Variants in IGF2BP1 observed in about 807,000 individuals in gnomAD.
The protein encoded by IGF2BP1 is insulin-like growth factor 2 mRNA-binding protein 1.
A neutral mutation model predicts 74.9 loss-of-function variants in IGF2BP1; 11 were observed. The observed-to-expected ratio is 0.15, with a 90% CI of 0.09 to 0.24. The LOEUF (loss-of-function observed/expected upper bound fraction) is 0.24. Ranked by LOEUF, IGF2BP1 falls within the 10% of genes least tolerant of loss-of-function variation. The pLI is 1.00. For missense variants in IGF2BP1, 440 were observed against 757.4 expected (o/e 0.58, Z 4.92); for synonymous variants, 287 against 281.8 (o/e 1.02, Z -0.18).
At chr17:49,007,011 G>A (rs2041558271) in intron 2 of IGF2BP1, among the ~76,000 whole-genome samples, 1 of 152,034 alleles carries the variant, frequency 6.6e-6, no homozygotes, top group Non-Finnish European at 1.5e-5. Context: ...CACACTTTAC[G>A]GCTACTGTCA....
At chr17:49,026,205 T>C (rs1360621596) in intron 3 of IGF2BP1, among the ~76,000 whole-genome samples, 1 of 152,116 alleles carries the variant, frequency 6.6e-6, no homozygotes, top group African/African-American at 2.4e-5. Flanking sequence ...CTTGGTAATA[T>C]GGCAGAAGAT....
At chr17:48,999,806 G>GC (rs753753942) in intron 2 of IGF2BP1, among the ~76,000 whole-genome samples, 34 of 151,428 alleles carry the variant, frequency 2.2e-4, no homozygotes, top group Middle Eastern at 3.4e-3. Context: ...TCCTTTTCGA[G>GC]CCCCCCTACC....
At chr17:49,021,639 T>A (rs996120386) in intron 2 of IGF2BP1, among the ~76,000 whole-genome samples, 1 of 152,240 alleles carries the variant, frequency 6.6e-6, no homozygotes, top group Admixed American at 6.5e-5. Context: ...GTTGCCTTTA[T>A]TGCCAGGGGC....
intron 5 of IGF2BP1, among the ~76,000 whole-genome samples, chr17:49,033,563 G>A (rs1173701910): frequency 3.3e-5 from 5 of 151,800 alleles, no homozygotes; most frequent in Non-Finnish European, 5.9e-5. Context: ...GGATGGTCTC[G>A]AACTCCTGAC....
At chr17:49,019,193 C>G (rs562918720) in intron 2 of IGF2BP1, among the ~76,000 whole-genome samples, 8 of 152,166 alleles carry the variant, frequency 5.3e-5, no homozygotes, top group African/African-American at 1.9e-4. Context: ...AAATACCAGT[C>G]CCAGGGGTAG....
intron 2 of IGF2BP1, chr17:49,014,768 T>G: frequency 1.0e-5 from 10 of 985,298 alleles, no homozygotes; most frequent in Non-Finnish European, 1.2e-5. Context: ...TGTTTGCCCA[T>G]CGTCATCAGG....
chr17:49,027,806 C>T (rs900375545), intron 4 of IGF2BP1, among the ~76,000 whole-genome samples: 3 of 129,352 alleles, frequency 2.3e-5, no homozygotes, highest in Non-Finnish European at 4.6e-5. Context: ...GAGCAGAGAT[C>T]GCGCCACTGC....
rs1285526891 is a variant in IGF2BP1, at chr17:49,051,931, C to G, written c.*2487C>G. 1.3e-5 allele frequency: 2 copies of G among 151,958 alleles called. No individual in the cohort carries two copies. The highest frequency in any genetic ancestry group is 4.8e-5 in the African/African-American group (2 of 41,334). 9.4% of individuals were successfully genotyped at this position (151,958 alleles called of 1,614,324 possible). ...GGGGCAAACAGATACTAGTTAACTG[C>G]CCCCACCTCTGTCTCCCTGTCTTCT... On this transcript the variant is annotated 3_prime_UTR_variant, in exon 15 of 15. Transcript: ENST00000290341.
At chr17:49,023,205 C>T (rs1220723199) in intron 2 of IGF2BP1, among the ~76,000 whole-genome samples, 3 of 152,210 alleles carry the variant, frequency 2.0e-5, no homozygotes, top group Non-Finnish European at 4.4e-5. Context: ...CTGATGGCAT[C>T]TGGGGACCTG....
chr17:49,039,943 C>T lies in IGF2BP1; in HGVS notation c.684-14C>T. 3.1e-6 allele frequency: 5 copies of T among 1,611,872 alleles called. No homozygotes were observed. Among genetic ancestry groups the T allele is most frequent in the Non-Finnish European group, 4.2e-6 (5 of 1,179,800 alleles). On this transcript the variant is annotated splice_polypyrimidine_tract_variant and intron_variant, in intron 6 of 14. Transcript: ENST00000290341. Reference sequence around the variant, plus strand: ...CTGGGGACAACTAACCAGCCTTGTCCTTGTGGCCCCCAGGATAGACGTGCA... The same window carrying T: ...CTGGGGACAACTAACCAGCCTTGTCTTTGTGGCCCCCAGGATAGACGTGCA...
chr17:49,017,118 G>A lies in IGF2BP1; in HGVS notation c.237-8500G>A, dbSNP rs188293667. Among the ~76,000 whole-genome samples, 11 of 151,972 alleles carry A rather than the reference G, an allele frequency of 7.2e-5. 1 individual carries two copies. The highest frequency in any genetic ancestry group is 6.6e-4 in the Admixed American group (10 of 15,264). On this transcript the variant is annotated intron_variant, in intron 2 of 14. Transcript: ENST00000290341. Reference sequence around the variant, plus strand: ...CTTAGGGCAACTTCCAGATGGGAGCGACAACTGGGAGAGGGGCCAGCTTTG... The same window carrying A: ...CTTAGGGCAACTTCCAGATGGGAGCAACAACTGGGAGAGGGGCCAGCTTTG...
rs2042174098 is a variant in IGF2BP1, at chr17:49,052,094, A to C, written c.*2650A>C. On this transcript the variant is annotated 3_prime_UTR_variant, in exon 15 of 15. Coordinates refer to ENST00000290341, the MANE Select transcript of IGF2BP1 (RefSeq NM_006546.4). ...CCTGCCTTATCATTTTCTCCCTAGG[A>C]CATTCCCTTGTAGCCCCCAGAATTG... 6.6e-6 allele frequency: 1 copy of C among 152,118 alleles called. No homozygotes were observed. The highest frequency in any genetic ancestry group is 1.5e-5 in the Non-Finnish European group (1 of 68,020). 9.4% of individuals were successfully genotyped at this position (152,118 alleles called of 1,614,324 possible).
At position 49,054,234 on chromosome 17, in the gene IGF2BP1, C is replaced by G. The variant is rs1238446410; in HGVS notation, c.*4790C>G. ...CAGTCTGATGGCGCCTTTGCTGGCG[C>G]CTTAGTATGGTTGACTCCGGATGGA... On this transcript the variant is annotated 3_prime_UTR_variant, in exon 15 of 15. Coordinates refer to ENST00000290341, the MANE Select transcript of IGF2BP1 (RefSeq NM_006546.4). 1 of 152,484 alleles carries G rather than the reference C, an allele frequency of 6.6e-6. No homozygotes were observed. The highest frequency in any genetic ancestry group is 1.5e-5 in the Non-Finnish European group (1 of 68,036). The allele number at this position is 152,484 out of a possible 1,614,324, so 9.4% of individuals were successfully genotyped here.
intron 2 of IGF2BP1, among the ~76,000 whole-genome samples, chr17:49,003,637 T>C (rs1425966254): frequency 2.6e-5 from 4 of 152,024 alleles, no homozygotes; most frequent in African/African-American, 9.7e-5. Context: ...AAAAGATTCT[T>C]GAAATGTGGC....
intron 14 of IGF2BP1, among the ~76,000 whole-genome samples, chr17:49,048,328 C>T (rs1237689130): frequency 2.6e-5 from 4 of 151,238 alleles, no homozygotes; most frequent in Middle Eastern, 3.2e-3. Flanking sequence ...TCTTAGTTCA[C>T]TGCAACTTCC....
intron 5 of IGF2BP1, among the ~76,000 whole-genome samples, chr17:49,035,570 A>G (rs772267441): frequency 3.9e-4 from 59 of 152,310 alleles, no homozygotes; most frequent in Middle Eastern, 3.4e-3. Context: ...GGGACCTCGC[A>G]GTCTCCCCAC....
intron 4 of IGF2BP1, among the ~76,000 whole-genome samples, 198 bp downstream of exon 4, chr17:49,026,715 TCCTG>T (rs752632752): frequency 0.03 from 3,432 of 113,248 alleles, 42 homozygotes; most frequent in East Asian, 0.084. Flanking sequence ...CTTCCTGCCT[TCCTG>T]CCTGCCTTCC....
At chr17:48,996,658 G>A (rs1195419234), upstream of IGF2BP1, among the ~76,000 whole-genome samples, 2 of 152,060 alleles carry the variant, frequency 1.3e-5, no homozygotes, top group Non-Finnish European at 2.9e-5. Flanking sequence ...TTCCCCTCAG[G>A]ACCCCGAAAC....
chr17:49,019,805 G>C (rs941385311), intron 2 of IGF2BP1, among the ~76,000 whole-genome samples: 11 of 149,292 alleles, frequency 7.4e-5, no homozygotes, highest in Non-Finnish European at 1.6e-4. Flanking sequence ...GTGCAATGGT[G>C]CCATCTCGGC....
Sources: gnomAD v4.1 joint callset for allele counts (sites outside exome capture counted in the v4.1 genomes callset) on GRCh38, gnomAD v4.1.1 for gene constraint, MANE v1.5 for transcripts, NCBI Gene and HGNC (gene_info 2026-07-23, HGNC 2026-07-21) for gene names.